DNAAF1: variants seen among roughly 807,000 people sequenced by gnomAD.
The protein encoded by DNAAF1 is dynein assembly factor 1, axonemal.
In DNAAF1, 65 loss-of-function variants were observed where a neutral mutation model predicts 71.1. The observed-to-expected ratio is 0.91, with a 90% CI of 0.75 to 1.12. DNAAF1 has a LOEUF of 1.12. Ranked by LOEUF, DNAAF1 falls within the 50% of genes most tolerant of loss-of-function variation. DNAAF1 has a pLI of 0.00. For synonymous variants in DNAAF1, 414 were observed against 354.6 expected, an observed-to-expected ratio of 1.17 and a Z score of -1.88; for missense variants, 1,178 against 899.8, an observed-to-expected ratio of 1.31 and a Z score of -3.96.
chr16:84,155,710 C>T lies in DNAAF1; in HGVS notation c.702C>T (p.Asp234=). The change falls in exon 5 of 12, where the codon GAC becomes GAT. Residue 234 remains aspartate, a synonymous_variant. Coordinates refer to ENST00000378553, the MANE Select transcript of DNAAF1 (RefSeq NM_178452.6). ...ACCTTTCGCACAACAAGCTGAGTGACCCGGAGATCCTGAGCATTCTGGAAA... is the reference window on the plus strand; with the variant it reads ...ACCTTTCGCACAACAAGCTGAGTGATCCGGAGATCCTGAGCATTCTGGAAA... ...VLDLSHNKLS[D]PEILSILESM... The T allele has an allele frequency of 1.9e-6, 3 of 1,614,070 alleles. No homozygotes were observed. The highest frequency in any genetic ancestry group is 2.5e-6 in the Non-Finnish European group (3 of 1,180,020).
chr16:84,173,651 T>C (rs2088498646), intron 9 of DNAAF1: 8 of 338,152 alleles, frequency 2.4e-5, no homozygotes, highest in Non-Finnish European at 3.4e-5. Flanking sequence ...CTGGCCAACA[T>C]GGTGAAACCC....
chr16:84,170,408 C>CA (rs774023938), intron 8 of DNAAF1, 52 bp downstream of exon 8: 21 of 1,611,526 alleles, frequency 1.3e-5, no homozygotes, highest in Non-Finnish European at 1.8e-5. Context: ...CAGGGAGCCC[C>CA]AGCCTTCGAC....
At chr16:84,160,674 T>A (rs140064304) in intron 6 of DNAAF1, among the ~76,000 whole-genome samples, 1 of 151,534 alleles carries the variant, frequency 6.6e-6, no homozygotes, top group Non-Finnish European at 1.5e-5. Context: ...GTGGCTCATG[T>A]CTGTAATCCC....
At chr16:84,167,729 A>T (rs754394097) in intron 7 of DNAAF1, among the ~76,000 whole-genome samples, 6 of 152,206 alleles carry the variant, frequency 3.9e-5, no homozygotes, top group African/African-American at 1.4e-4. Flanking sequence ...AAAGAATACA[A>T]ATCTGGCCGG....
At chr16:84,172,001 C>T (rs1011247470) in intron 8 of DNAAF1, among the ~76,000 whole-genome samples, 1 of 151,994 alleles carries the variant, frequency 6.6e-6, no homozygotes, top group Non-Finnish European at 1.5e-5. Flanking sequence ...CCTCAGCCTC[C>T]CAAGTAGCTG....
intron 3 of DNAAF1, among the ~76,000 whole-genome samples, chr16:84,152,669 G>C (rs992753823): frequency 3.7e-5 from 5 of 134,568 alleles, no homozygotes; most frequent in African/African-American, 8.4e-5. Flanking sequence ...AAAAAAAAAA[G>C]TTGGCTGGGC....
At chr16:84,156,851 C>CTTTTTTTTTTTTTTTTTT (rs778916785) in intron 5 of DNAAF1, among the ~76,000 whole-genome samples, 29 of 111,812 alleles carry the variant, frequency 2.6e-4, no homozygotes, top group East Asian at 7.6e-4. Flanking sequence ...TTCTTTCTTT[C>CTTTTTTTTTTTTTTTTTT]TTTTTTTTTT....
At chr16:84,149,917 C>T (rs143375307) in intron 2 of DNAAF1, among the ~76,000 whole-genome samples, 6,342 of 144,206 alleles carry the variant, frequency 0.044, 386 homozygotes, top group African/African-American at 0.15. Context: ...CCCAGCTACT[C>T]GGGAGGCTGA....
Position 84,170,171 on chromosome 16 carries a change from C to T in DNAAF1, c.1343C>T (p.Pro448Leu), listed in dbSNP as rs747965019. 1.2e-6 allele frequency: 2 copies of T among 1,609,642 alleles called. No homozygotes were observed. The highest frequency in any genetic ancestry group is 2.2e-5 in the East Asian group (1 of 44,764). The change falls in exon 8 of 12, where the codon CCA becomes CTA. Residue 448 changes from proline to leucine, a missense_variant. By Grantham distance (98) the Pro-to-Leu change is moderately conservative. Coordinates refer to ENST00000378553, the MANE Select transcript of DNAAF1 (RefSeq NM_178452.6). The stretch of plus-strand genomic sequence containing the variant: ...GGGACCCTCCCAGCTGAGGCCCCAC[C>T]ACCCCCGCCACCTGTGGAGGTTAAA... ...PEGTLPAEAP[P>L]PPPPVEVKGE...
intron 6 of DNAAF1, among the ~76,000 whole-genome samples, chr16:84,162,523 C>T (rs544564990): frequency 2.0e-4 from 31 of 151,302 alleles, no homozygotes; most frequent in South Asian, 4.2e-4. Flanking sequence ...TCTCATCACC[C>T]TAAAAAGGAA....
chr16:84,156,080 A>G (rs1314232480), intron 5 of DNAAF1, among the ~76,000 whole-genome samples: 1 of 152,100 alleles, frequency 6.6e-6, no homozygotes, highest in Non-Finnish European at 1.5e-5. Flanking sequence ...CTCCTGCCTC[A>G]GCATCCCGAG....
At position 84,169,977 on chromosome 16, in the gene DNAAF1, T is replaced by G. The variant is rs762616220; in HGVS notation, c.1149T>G (p.Phe383Leu). 5 of 1,614,058 alleles carry G rather than the reference T, an allele frequency of 3.1e-6. No individual in the cohort carries two copies. In the South Asian group the frequency reaches 4.4e-5, roughly 14 times the overall value. The change falls in exon 8 of 12, where the codon TTT (phenylalanine) becomes TTG (leucine). Residue 383 changes from phenylalanine (F) to leucine (L), a missense_variant. Coordinates refer to ENST00000378553, the MANE Select transcript of DNAAF1 (RefSeq NM_178452.6). ...QKMELFVKES[F>L]EAKDELCPEK... ...TGGAGCTATTTGTTAAGGAAAGCTT[T>G]GAGGCCAAGGACGAGCTCTGCCCGG...
intron 9 of DNAAF1, chr16:84,172,790 C>A (rs2088436795): frequency 2.0e-5 from 22 of 1,075,978 alleles, no homozygotes; most frequent in Non-Finnish European, 2.5e-5. Flanking sequence ...TATCTTTTCC[C>A]CCCTCCGTGG....
At chr16:84,145,752 A>T (rs2086870085) in intron 1 of DNAAF1, among the ~76,000 whole-genome samples, 188 bp downstream of exon 1, 1 of 152,212 alleles carries the variant, frequency 6.6e-6, no homozygotes, top group Admixed American at 6.5e-5. Flanking sequence ...CATACTTAAG[A>T]GGTTACAAAA....
chr16:84,147,843 G>C (rs1412367464), intron 1 of DNAAF1, among the ~76,000 whole-genome samples: 1 of 152,086 alleles, frequency 6.6e-6, no homozygotes, highest in Non-Finnish European at 1.5e-5. Flanking sequence ...AGGCGGGTGG[G>C]TCACCTGAGG....
At chr16:84,174,866 TTTC>T (rs1404127289) in intron 10 of DNAAF1, 144 bp downstream of exon 10, 1 of 1,157,810 alleles carries the variant, frequency 8.6e-7, no homozygotes, top group African/African-American at 1.5e-5. Flanking sequence ...TTTCTTTTCT[TTTC>T]TTTTCAGGCA....
intron 10 of DNAAF1, among the ~76,000 whole-genome samples, chr16:84,175,006 C>T (rs1050181323): frequency 2.6e-5 from 4 of 152,254 alleles, no homozygotes; most frequent in East Asian, 1.9e-4. Flanking sequence ...CAGGCATGAG[C>T]CACCACGCCC....
At position 84,159,909 on chromosome 16, in the gene DNAAF1, C is replaced by A; in HGVS notation, c.863+113C>A. The stretch of plus-strand genomic sequence containing the variant: ...AGAAATTTCACATATCAAAAATGTT[C>A]TTTGGAAATAGGCTTGATGGCTACA... On this transcript the variant is annotated intron_variant, in intron 6 of 11. Coordinates refer to ENST00000378553, the MANE Select transcript of DNAAF1 (RefSeq NM_178452.6). 3.0e-6 allele frequency: 4 copies of A among 1,312,268 alleles called. No homozygotes were observed. In the South Asian group the frequency reaches 3.8e-5, roughly 12 times the overall value. The allele number at this position is 1,312,268 out of a possible 1,614,324, so 81.3% of individuals were successfully genotyped here.
At chr16:84,164,348 G>C (rs2087863116) in intron 6 of DNAAF1, among the ~76,000 whole-genome samples, 1 of 152,178 alleles carries the variant, frequency 6.6e-6, no homozygotes, top group African/African-American at 2.4e-5. Flanking sequence ...ATCATGTCCT[G>C]TATCCCCCAT....
Sources: allele counts gnomAD v4.1 joint callset (sites outside exome capture counted in the v4.1 genomes callset), GRCh38; gene constraint gnomAD v4.1.1; transcripts MANE v1.5; gene names NCBI Gene and HGNC (gene_info 2026-07-23, HGNC 2026-07-21).